The following PID1 variants were observed in gnomAD, a reference collection of about 807,000 sequenced individuals.
PID1 encodes the protein PTB-containing, cubilin and LRP1-interacting protein.
A neutral mutation model predicts 19.1 loss-of-function variants in PID1; 10 were observed. That is an observed-to-expected ratio of 0.52 (90% CI 0.32 to 0.89). PID1 has a LOEUF of 0.89. PID1 is among the 40% of genes least tolerant of loss of function. The pLI is 0.03. For missense variants in PID1, 248 were observed against 285.3 expected, an observed-to-expected ratio of 0.87 and a Z score of 0.94; for synonymous variants, 130 against 116.0, an observed-to-expected ratio of 1.12 and a Z score of -0.78.
chr2:229,096,841 A>T (rs1236810095), intron 2 of PID1, among the ~76,000 whole-genome samples: 3 of 152,124 alleles, frequency 2.0e-5, no homozygotes, highest in Non-Finnish European at 4.4e-5. Context: ...TGTAATAATA[A>T]CCCCACAGTT....
intron 1 of PID1, among the ~76,000 whole-genome samples, chr2:229,195,062 C>T (rs898219856): frequency 1.3e-5 from 2 of 151,728 alleles, no homozygotes; most frequent in Non-Finnish European, 2.9e-5. Context: ...AATTCTTGTC[C>T]ATGAGGTTGA....
At chr2:229,224,171 C>T (rs1396351626) in intron 1 of PID1, among the ~76,000 whole-genome samples, 1 of 152,000 alleles carries the variant, frequency 6.6e-6, no homozygotes. Context: ...ATTAAAAAGT[C>T]AAAAAATAAC....
At chr2:229,204,655 G>A (rs1691568382) in intron 1 of PID1, among the ~76,000 whole-genome samples, 1 of 152,030 alleles carries the variant, frequency 6.6e-6, no homozygotes, top group Non-Finnish European at 1.5e-5. Flanking sequence ...CTTTGATCCT[G>A]CTGTATACTG....
chr2:229,191,507 G>C (rs1216962185), intron 1 of PID1, among the ~76,000 whole-genome samples: 7 of 152,152 alleles, frequency 4.6e-5, no homozygotes, highest in Non-Finnish European at 1.0e-4. Flanking sequence ...ACATCCATCA[G>C]TGCCTCAAAG....
intron 2 of PID1, among the ~76,000 whole-genome samples, chr2:229,098,079 T>C (rs1018428319): frequency 9.2e-5 from 14 of 152,234 alleles, no homozygotes; most frequent in African/African-American, 1.7e-4. Context: ...ATCATGAGCC[T>C]ATGCCATAGA....
At chr2:229,265,610 AATTTGTGTCCACAGGGCT>A in intron 1 of PID1, among the ~76,000 whole-genome samples, 1 of 152,152 alleles carries the variant, frequency 6.6e-6, no homozygotes. Flanking sequence ...CCTCTGTTTA[AATTTGTGTCCACAGGGCT>A]GAAAGAAGCA....
intron 1 of PID1, among the ~76,000 whole-genome samples, chr2:229,216,938 CTG>C (rs1190649507): frequency 2.0e-5 from 3 of 152,028 alleles, no homozygotes; most frequent in African/African-American, 7.2e-5. Flanking sequence ...AAGCAGATAA[CTG>C]TTTTTGTTTA....
intron 2 of PID1, among the ~76,000 whole-genome samples, chr2:229,065,459 A>G (rs1694304140): frequency 6.6e-6 from 1 of 152,200 alleles, no homozygotes; most frequent in South Asian, 2.1e-4. Context: ...ATTTGCTGTC[A>G]TATGGAATAT....
At chr2:229,148,159 A>G (rs1690173805) in intron 2 of PID1, among the ~76,000 whole-genome samples, 1 of 152,250 alleles carries the variant, frequency 6.6e-6, no homozygotes, top group Non-Finnish European at 1.5e-5. Context: ...TCAATAAATA[A>G]CAAAAGTGAG....
chr2:229,127,246 C>T (rs1302725513), intron 2 of PID1, among the ~76,000 whole-genome samples: 2 of 152,164 alleles, frequency 1.3e-5, no homozygotes, highest in East Asian at 1.9e-4. Flanking sequence ...GACATAACCT[C>T]TCTGTTTTCT....
intron 2 of PID1, among the ~76,000 whole-genome samples, chr2:229,044,657 C>T (rs573217764): frequency 2.0e-5 from 3 of 152,284 alleles, no homozygotes; most frequent in Admixed American, 2.0e-4. Flanking sequence ...TCATCATTTC[C>T]TGAGGAAATG....
chr2:229,047,927 T>C (rs1347428897), intron 2 of PID1, among the ~76,000 whole-genome samples: 2 of 152,168 alleles, frequency 1.3e-5, no homozygotes, highest in African/African-American at 4.8e-5. Flanking sequence ...CCAGAGATGC[T>C]GCAATCACAA....
At chr2:229,172,330 AAAC>A (rs965161192) in intron 1 of PID1, among the ~76,000 whole-genome samples, 7 of 152,212 alleles carry the variant, frequency 4.6e-5, no homozygotes, top group African/African-American at 1.7e-4. Flanking sequence ...AGGTGGTTTA[AAAC>A]AACAGAGTTA....
intron 1 of PID1, among the ~76,000 whole-genome samples, chr2:229,251,288 T>C (rs1383883380): frequency 1.5e-5 from 2 of 130,664 alleles, no homozygotes; most frequent in African/African-American, 2.8e-5. Context: ...TTTTTTTTTT[T>C]CAGTGTATAG....
chr2:229,160,913 G>C (rs553510638), intron 1 of PID1, among the ~76,000 whole-genome samples: 2 of 152,118 alleles, frequency 1.3e-5, no homozygotes, highest in Admixed American at 1.3e-4. Context: ...GTGGTTAAAA[G>C]CATGAGAGTT....
At position 229,270,988 on chromosome 2, in the gene PID1, G is replaced by T. The variant is rs777562086; in HGVS notation, c.30+26C>A. 7 of 1,382,628 alleles carry T rather than the reference G, an allele frequency of 5.1e-6. No individual in the cohort carries two copies. In the African/African-American group the frequency reaches 1.6e-4, roughly 32 times the overall value. The allele number at this position is 1,382,628 out of a possible 1,614,324, so 85.6% of individuals were successfully genotyped here. On this transcript the variant is annotated intron_variant, in intron 1 of 2. Transcript: ENST00000392055. ...CCCGGGCACCTCCTCCTCCAGGCTGGCCCCCGGCTCCCGGGTGCCCCTTAC... is the reference window on the plus strand; with the variant it reads ...CCCGGGCACCTCCTCCTCCAGGCTGTCCCCCGGCTCCCGGGTGCCCCTTAC...
At chr2:229,081,030 T>G (rs1174254086) in intron 2 of PID1, among the ~76,000 whole-genome samples, 1 of 152,190 alleles carries the variant, frequency 6.6e-6, no homozygotes, top group Non-Finnish European at 1.5e-5. Flanking sequence ...AACAATAATG[T>G]AATCTTCCTC....
At chr2:229,212,246 C>G (rs1195084896) in intron 1 of PID1, among the ~76,000 whole-genome samples, 1 of 152,214 alleles carries the variant, frequency 6.6e-6, no homozygotes, top group Non-Finnish European at 1.5e-5. Context: ...TTGAATCAGG[C>G]ATCTAAAAGT....
At chr2:229,196,953 A>G (rs1691390175) in intron 1 of PID1, among the ~76,000 whole-genome samples, 1 of 151,046 alleles carries the variant, frequency 6.6e-6, no homozygotes, top group Non-Finnish European at 1.5e-5. Flanking sequence ...CTAAAAATAA[A>G]TGGACAAGCA....
Sources: gnomAD v4.1 joint callset for allele counts (sites outside exome capture counted in the v4.1 genomes callset) on GRCh38, gnomAD v4.1.1 for gene constraint, MANE v1.5 for transcripts, NCBI Gene and HGNC (gene_info 2026-07-23, HGNC 2026-07-21) for gene names.